Variants in LRBA observed in about 807,000 individuals in gnomAD.
The protein encoded by LRBA is LPS responsive beige-like anchor protein.
LRBA carries 176 observed loss-of-function variants against 330.0 expected under a neutral mutation model. The observed-to-expected ratio is 0.53, with a 90% CI of 0.47 to 0.60. The LOEUF is 0.60. Among genes scored for constraint, LRBA ranks in the 20% least tolerant of loss-of-function variants. The pLI is 0.00. For synonymous variants in LRBA, 1,230 were observed against 1,193.0 expected, an observed-to-expected ratio of 1.03 and a Z score of -0.64; for missense variants, 3,259 against 3,444.8, an observed-to-expected ratio of 0.95 and a Z score of 1.35.
At chr4:150,588,492 T>A (rs1482479201) in intron 39 of LRBA, among the ~76,000 whole-genome samples, 1 of 152,118 alleles carries the variant, frequency 6.6e-6, no homozygotes, top group East Asian at 1.9e-4. Flanking sequence ...CCTAAATAAG[T>A]CCATCCACAT....
At chr4:150,767,120 A>C (rs1462525561) in intron 34 of LRBA, among the ~76,000 whole-genome samples, 1 of 152,212 alleles carries the variant, frequency 6.6e-6, no homozygotes, top group African/African-American at 2.4e-5. Flanking sequence ...TTAACCTAAC[A>C]TTATCTATTC....
At chr4:150,996,550 C>T (rs1032994101) in intron 2 of LRBA, among the ~76,000 whole-genome samples, 3 of 152,102 alleles carry the variant, frequency 2.0e-5, no homozygotes, top group Non-Finnish European at 4.4e-5. Context: ...TACATATAAA[C>T]TACCATGCAC....
chr4:150,978,177 G>T (rs1740416958), intron 2 of LRBA, among the ~76,000 whole-genome samples: 1 of 152,236 alleles, frequency 6.6e-6, no homozygotes, highest in Non-Finnish European at 1.5e-5. Context: ...AGCTCCAGGT[G>T]GTTCAGCACA....
At chr4:150,290,493 T>G (rs1369606410) in intron 53 of LRBA, among the ~76,000 whole-genome samples, 1 of 152,172 alleles carries the variant, frequency 6.6e-6, no homozygotes, top group East Asian at 1.9e-4. Context: ...CTTGAAAAAT[T>G]GTCATGGCCT....
intron 37 of LRBA, among the ~76,000 whole-genome samples, chr4:150,617,460 G>A (rs998585368): frequency 2.0e-5 from 3 of 151,590 alleles, no homozygotes; most frequent in Non-Finnish European, 2.9e-5. Context: ...TGGCCAACAT[G>A]GTGAAACCCT....
intron 46 of LRBA, chr4:150,423,180 C>T (rs1378406966): frequency 4.4e-6 from 6 of 1,352,518 alleles, no homozygotes; most frequent in African/African-American, 1.5e-5. Flanking sequence ...TCCGGTCCCC[C>T]TTCTTGTTGG....
intron 37 of LRBA, among the ~76,000 whole-genome samples, chr4:150,651,563 A>G (rs1387697980): frequency 6.6e-6 from 1 of 152,166 alleles, no homozygotes; most frequent in Non-Finnish European, 1.5e-5. Flanking sequence ...TTATGAAATT[A>G]TTTATGTCTA....
At chr4:150,551,466 C>A (rs1217912648) in intron 40 of LRBA, among the ~76,000 whole-genome samples, 3 of 151,898 alleles carry the variant, frequency 2.0e-5, no homozygotes, top group Non-Finnish European at 2.9e-5. Flanking sequence ...ATCACTTGAG[C>A]CCAAGAGTCT....
intron 15 of LRBA, 43 bp from the exon 16 acceptor site, chr4:150,896,499 A>G: frequency 1.9e-6 from 2 of 1,030,160 alleles, no homozygotes; most frequent in South Asian, 1.5e-5. Flanking sequence ...ACATGTAAAA[A>G]AATGTTTAAA....
intron 33 of LRBA, among the ~76,000 whole-genome samples, chr4:150,803,524 T>G (rs950404502): frequency 6.6e-6 from 1 of 152,160 alleles, no homozygotes; most frequent in Non-Finnish European, 1.5e-5. Flanking sequence ...AGCTTTGTAA[T>G]GTTTGGTCAC....
chr4:150,803,868 A>G (rs1235849519), intron 33 of LRBA, among the ~76,000 whole-genome samples: 5 of 152,044 alleles, frequency 3.3e-5, no homozygotes, highest in African/African-American at 9.7e-5. Flanking sequence ...TCTAAATTAA[A>G]TTTTGTTCAG....
At chr4:150,274,484 A>G (rs2011700695) in intron 56 of LRBA, among the ~76,000 whole-genome samples, 1 of 152,078 alleles carries the variant, frequency 6.6e-6, no homozygotes, top group Admixed American at 6.6e-5. Context: ...GACACAAAAA[A>G]CCCTTCAGAT....
At chr4:150,696,287 G>A (rs1784613288) in intron 36 of LRBA, among the ~76,000 whole-genome samples, 1 of 152,074 alleles carries the variant, frequency 6.6e-6, no homozygotes, top group South Asian at 2.1e-4. Flanking sequence ...AAACCAGAAA[G>A]AAAATAAGCA....
intron 34 of LRBA, among the ~76,000 whole-genome samples, chr4:150,790,239 G>A (rs1449006053): frequency 2.0e-5 from 3 of 152,134 alleles, no homozygotes; most frequent in African/African-American, 7.2e-5. Context: ...AAGCCACAGG[G>A]TGTACTGCCA....
chr4:150,354,800 TA>T (rs2151828463), intron 47 of LRBA, among the ~76,000 whole-genome samples: 1 of 152,276 alleles, frequency 6.6e-6, no homozygotes, highest in South Asian at 2.1e-4. Flanking sequence ...AGATGTCAAA[TA>T]CACTTATTAC....
chr4:150,836,116 T>C (rs1030939411), intron 28 of LRBA, among the ~76,000 whole-genome samples: 5 of 152,182 alleles, frequency 3.3e-5, no homozygotes, highest in African/African-American at 4.8e-5. Flanking sequence ...TTGATTTCCA[T>C]ATGTTGAACC....
intron 36 of LRBA, among the ~76,000 whole-genome samples, chr4:150,717,313 T>C (rs1207869562): frequency 3.3e-5 from 5 of 152,188 alleles, no homozygotes; most frequent in Non-Finnish European, 7.3e-5. Context: ...ATGTTCACTA[T>C]TTTAATAAAA....
chr4:150,610,283 G>A (rs1455287886), intron 37 of LRBA, among the ~76,000 whole-genome samples: 3 of 152,120 alleles, frequency 2.0e-5, no homozygotes, highest in African/African-American at 7.2e-5. Context: ...AGTAACCTGG[G>A]AGAAAGAGTA....
Position 150,583,458 on chromosome 4 carries a change from C to A in LRBA, c.6330+4590G>T. ...TGGTGGCCCAGGCGGTGGACAAGTG[C>A]AGCTATCGGGATGTGGTCAAGATGA... On this transcript the variant is annotated intron_variant, in intron 40 of 56. Coordinates refer to ENST00000651943, the MANE Select transcript of LRBA (RefSeq NM_001364905.1). This position sits in a 1 kb window ranked among gnomAD's most constrained non-coding sequence, Gnocchi z 9.8. 1.2e-6 allele frequency: 2 copies of A among 1,613,884 alleles called. No homozygotes were observed. The highest frequency in any genetic ancestry group is 1.7e-6 in the Non-Finnish European group (2 of 1,180,032).
Sources: allele counts gnomAD v4.1 joint callset (sites outside exome capture counted in the v4.1 genomes callset), GRCh38; gene constraint gnomAD v4.1.1; non-coding constraint Gnocchi (gnomAD v3.1); transcripts MANE v1.5; gene names NCBI Gene and HGNC (gene_info 2026-07-23, HGNC 2026-07-21).